The following SEMA5B variants were observed in gnomAD, a reference collection of about 807,000 sequenced individuals.
The protein encoded by SEMA5B is semaphorin 5B.
A neutral mutation model predicts 135.0 loss-of-function variants in SEMA5B; 66 were observed. That is an observed-to-expected ratio of 0.49 (90% CI 0.40 to 0.60). The LOEUF is 0.60. SEMA5B is among the 20% of genes least tolerant of loss of function. The pLI is 0.00. For missense variants in SEMA5B, 1,501 were observed against 1,566.3 expected (o/e 0.96, Z 0.70); for synonymous variants, 690 against 639.5 (o/e 1.08, Z -1.19).
intron 1 of SEMA5B, among the ~76,000 whole-genome samples, chr3:123,008,086 C>CA (rs1215325539): frequency 6.6e-6 from 1 of 152,224 alleles, no homozygotes; most frequent in Non-Finnish European, 1.5e-5. Context: ...GCATGATCGG[C>CA]AAAGGCACGC....
chr3:123,003,275 C>G (rs548126329), intron 1 of SEMA5B, among the ~76,000 whole-genome samples: 1 of 152,140 alleles, frequency 6.6e-6, no homozygotes, highest in Non-Finnish European at 1.5e-5. Flanking sequence ...AAAGTGCCCC[C>G]ACTAAAACCT....
chr3:122,912,820 G>A, intron 18 of SEMA5B, 23 bp downstream of exon 18: 1 of 1,527,480 alleles, frequency 6.5e-7, no homozygotes, highest in Non-Finnish European at 8.8e-7. Context: ...GCTAGGCCAA[G>A]GATTCCTTCC....
chr3:122,954,946 C>T (rs1260628647), intron 2 of SEMA5B, among the ~76,000 whole-genome samples: 5 of 150,736 alleles, frequency 3.3e-5, no homozygotes, highest in African/African-American at 9.8e-5. Flanking sequence ...GCACATACCA[C>T]CAGGCTGGGC....
intron 1 of SEMA5B, among the ~76,000 whole-genome samples, chr3:122,971,032 A>G (rs1207038348): frequency 6.6e-6 from 1 of 152,174 alleles, no homozygotes; most frequent in African/African-American, 2.4e-5. Context: ...AAAGGGAATG[A>G]TCAATAAAGA....
chr3:122,959,851 G>A (rs1212210602), intron 2 of SEMA5B, among the ~76,000 whole-genome samples: 2 of 152,162 alleles, frequency 1.3e-5, no homozygotes, highest in African/African-American at 4.8e-5. Context: ...TCATGAGTAG[G>A]ATTTTGTTTC....
intron 4 of SEMA5B, among the ~76,000 whole-genome samples, chr3:122,942,834 C>T (rs924738137): frequency 2.0e-5 from 3 of 152,202 alleles, no homozygotes; most frequent in Admixed American, 6.5e-5. Context: ...CTACTGGGGT[C>T]GGCCCTCTCT....
At chr3:122,951,582 C>G (rs991058519) in intron 2 of SEMA5B, among the ~76,000 whole-genome samples, 2 of 152,232 alleles carry the variant, frequency 1.3e-5, no homozygotes, top group African/African-American at 4.8e-5. Flanking sequence ...CCCGCTGACC[C>G]TACGTCTCGC....
Position 122,971,270 on chromosome 3 carries a change from G to A in SEMA5B, c.-38-9969C>T, listed in dbSNP as rs553232580. Among the ~76,000 whole-genome samples, 3 of 152,360 alleles carry A rather than the reference G, an allele frequency of 2.0e-5. No homozygotes were observed. In the East Asian group the frequency reaches 5.8e-4, roughly 29 times the overall value. On this transcript the variant is annotated intron_variant, in intron 1 of 22. Coordinates refer to ENST00000357599, the MANE Select transcript of SEMA5B (RefSeq NM_001031702.4). ...TTTGCTCAGTGCTATATCCCTAGCT[G>A]CTAACCCAGCACCAGTCACATAAGA...
At chr3:123,000,755 T>G (rs17216263) in intron 1 of SEMA5B, among the ~76,000 whole-genome samples, 6,809 of 152,168 alleles carry the variant, frequency 0.045, 180 homozygotes, top group Middle Eastern at 0.078. Context: ...AGCCATGGCA[T>G]TTTTTGAGGG....
At chr3:122,964,955 C>G (rs1050523642) in intron 1 of SEMA5B, among the ~76,000 whole-genome samples, 1 of 152,298 alleles carries the variant, frequency 6.6e-6, no homozygotes, top group African/African-American at 2.4e-5. Flanking sequence ...TGAGCAGAAA[C>G]CAGGAGAACA....
chr3:123,006,700 C>A (rs1465135464), intron 1 of SEMA5B, among the ~76,000 whole-genome samples: 1 of 152,122 alleles, frequency 6.6e-6, no homozygotes, highest in Non-Finnish European at 1.5e-5. Context: ...CTTTTTTAAG[C>A]CAAGGGAAGC....
intron 1 of SEMA5B, chr3:122,993,189 G>A (rs1223484016): frequency 6.6e-6 from 1 of 152,310 alleles, no homozygotes; most frequent in Non-Finnish European, 1.5e-5. Context: ...AGAAAAGCAG[G>A]ACACAACGCG....
At chr3:122,937,069 G>T (rs531621247) in intron 5 of SEMA5B, among the ~76,000 whole-genome samples, 1 of 152,370 alleles carries the variant, frequency 6.6e-6, no homozygotes, top group South Asian at 2.1e-4. Flanking sequence ...GGCCAAGTGG[G>T]AGAATCAGTT....
intron 1 of SEMA5B, among the ~76,000 whole-genome samples, chr3:123,026,388 G>T (rs1899936): frequency 6.7e-6 from 1 of 148,528 alleles, no homozygotes; most frequent in Non-Finnish European, 1.5e-5. Flanking sequence ...CCAGACTCTC[G>T]GCCCACTCCC....
At position 122,913,088 on chromosome 3, in the gene SEMA5B, T is replaced by C. The variant is rs748564243; in HGVS notation, c.2507-27A>G. The C allele has an allele frequency of 4.1e-5, 58 of 1,424,778 alleles. No homozygotes were observed. In the African/African-American group the frequency reaches 6.0e-4, roughly 15 times the overall value. The allele number at this position is 1,424,778 out of a possible 1,614,324, so 88.3% of individuals were successfully genotyped here. A position where few individuals can be genotyped will look rare whatever the true frequency, so the allele number is the denominator to read the frequency against. On this transcript the variant is annotated intron_variant, in intron 17 of 22. Transcript: ENST00000357599. The stretch of plus-strand genomic sequence containing the variant: ...TGCGGAGGGGCTAGGCCTCAGCGAC[T>C]GGGCGCCCGGCCACCCCGACCCCGG...
At position 122,915,802 on chromosome 3, in the gene SEMA5B, G is replaced by A. The variant is rs368851766; in HGVS notation, c.1777C>T (p.Leu593Phe). 3.7e-5 allele frequency: 60 copies of A among 1,614,020 alleles called. No individual in the cohort carries two copies. The highest frequency in any genetic ancestry group is 5.0e-5 in the Non-Finnish European group (59 of 1,180,020). The part of the protein sequence containing the change: ...STLEDSSNMS[L>F]WTQNITACPV... ...CAGGCGGTGATGTTCTGGGTCCAGA[G>A]GCTCATGTTGGAGCTGTCCTCGAGT... The change falls in exon 13 of 23, where the codon CTC becomes TTC. Residue 593 changes from leucine to phenylalanine, a missense_variant. By Grantham distance (22) the Leu-to-Phe change is conservative. Transcript: ENST00000357599.
chr3:123,000,923 C>T (rs958566518), intron 1 of SEMA5B, among the ~76,000 whole-genome samples: 3 of 152,104 alleles, frequency 2.0e-5, no homozygotes, highest in East Asian at 3.9e-4. Flanking sequence ...CCACCTGAGG[C>T]GAGAAATAAG....
chr3:122,943,245 C>A (rs1035337993), intron 4 of SEMA5B, among the ~76,000 whole-genome samples, 191 bp downstream of exon 4: 2 of 152,120 alleles, frequency 1.3e-5, no homozygotes, highest in Non-Finnish European at 2.9e-5. Context: ...GGTCAAGAGT[C>A]ACCCCCACCC....
chr3:122,948,700 G>C lies in SEMA5B; in HGVS notation c.134C>G (p.Pro45Arg). The part of the protein sequence containing the change: ...WLLSLVRGLL[P>R]CLPPGARTAE... ...AGTCCTAGCTCCGGGAGGCAGACAG[G>C]GGAGAAGACCTGCAACGTAAACACT... The change falls in exon 3 of 23, where the codon CCC (proline) becomes CGC (arginine). Residue 45 changes from proline (P) to arginine (R), a missense_variant. Pro to Arg is a moderately radical substitution (Grantham distance 103). This residue lies in a region of SEMA5B where 574 missense variants were observed against 684.7 expected (regional missense o/e 0.84). Coordinates refer to ENST00000357599, the MANE Select transcript of SEMA5B (RefSeq NM_001031702.4). 2 of 1,599,312 alleles carry C rather than the reference G, an allele frequency of 1.3e-6. No homozygotes were observed. Among genetic ancestry groups the C allele is most frequent in the Non-Finnish European group, 8.6e-7 (1 of 1,169,516 alleles).
Sources: allele counts gnomAD v4.1 joint callset (sites outside exome capture counted in the v4.1 genomes callset), GRCh38; gene constraint gnomAD v4.1.1; regional missense constraint gnomAD v4.1.1; transcripts MANE v1.5; gene names NCBI Gene and HGNC (gene_info 2026-07-23, HGNC 2026-07-21).